The following NXPH1 variants were observed in gnomAD, a reference collection of about 807,000 sequenced individuals.
NXPH1 encodes neurexophilin-1.
NXPH1 carries 5 observed loss-of-function variants against 23.7 expected under a neutral mutation model. The observed-to-expected ratio is 0.21, with a 90% CI of 0.11 to 0.44. NXPH1 has a LOEUF of 0.44. NXPH1 is among the 20% of genes least tolerant of loss of function. The pLI, the probability that NXPH1 is intolerant of heterozygous loss-of-function variation, is 0.99. For missense variants in NXPH1, 324 were observed against 321.6 expected, an observed-to-expected ratio of 1.01 and a Z score of -0.06; for synonymous variants, 144 against 122.2, an observed-to-expected ratio of 1.18 and a Z score of -1.18.
At position 8,750,869 on chromosome 7, in the gene NXPH1, G is replaced by A. The variant is rs1780551513; in HGVS notation, c.55-139G>A. 3 of 758,480 alleles carry A rather than the reference G, an allele frequency of 4.0e-6. No homozygotes were observed. The Admixed American group carries it at 8.2e-5, about 21-fold the overall frequency. 47.0% of individuals were successfully genotyped at this position (758,480 alleles called of 1,614,324 possible). A position where few individuals can be genotyped will look rare whatever the true frequency, so the allele number is the denominator to read the frequency against. On this transcript the variant is annotated intron_variant, in intron 2 of 2. Transcript: ENST00000405863. ...AGAGGGGGCTTAGATCTCTGCTTTG[G>A]GTGTTCTTCTCAGATGCGGTGCTTT...
chr7:8,745,112 C>T (rs756317882), intron 2 of NXPH1, among the ~76,000 whole-genome samples: 7 of 152,234 alleles, frequency 4.6e-5, no homozygotes, highest in Non-Finnish European at 7.3e-5. Context: ...AGCCTGCCTT[C>T]TACAAGTTTT....
chr7:8,647,807 A>T (rs2349504), intron 2 of NXPH1, among the ~76,000 whole-genome samples: 105,991 of 149,084 alleles, frequency 0.71, 38,319 homozygotes, highest in East Asian at 1. Context: ...AGTTTGGTTA[A>T]TTTTTTCAAG....
intron 2 of NXPH1, among the ~76,000 whole-genome samples, chr7:8,473,795 C>T (rs1816914618): frequency 6.6e-6 from 1 of 151,638 alleles, no homozygotes; most frequent in South Asian, 2.1e-4. Context: ...AATGATAGAC[C>T]TTCCATTTAG....
intron 2 of NXPH1, among the ~76,000 whole-genome samples, chr7:8,589,872 C>T (rs1252434160): frequency 6.6e-6 from 1 of 152,034 alleles, no homozygotes; most frequent in Non-Finnish European, 1.5e-5. Flanking sequence ...CAATAGATAG[C>T]CACTAGCCAC....
At chr7:8,678,914 C>A (rs1010308135) in intron 2 of NXPH1, among the ~76,000 whole-genome samples, 1 of 95,984 alleles carries the variant, frequency 1.0e-5, no homozygotes, top group African/African-American at 4.4e-5. Context: ...CTAGATTTAT[C>A]TTTGCTTTAT....
chr7:8,562,332 T>G (rs1029689724), intron 2 of NXPH1, among the ~76,000 whole-genome samples: 1 of 151,728 alleles, frequency 6.6e-6, no homozygotes, highest in African/African-American at 2.4e-5. Context: ...GGGGAGCTGA[T>G]GTCTATTCCA....
intron 2 of NXPH1, among the ~76,000 whole-genome samples, chr7:8,627,932 A>T (rs901090416): frequency 6.6e-6 from 1 of 152,142 alleles, no homozygotes; most frequent in East Asian, 1.9e-4. Flanking sequence ...TGTGGATAAA[A>T]GGCACTATAT....
chr7:8,562,182 A>T (rs887937301), intron 2 of NXPH1, among the ~76,000 whole-genome samples: 1 of 151,662 alleles, frequency 6.6e-6, no homozygotes, highest in Admixed American at 6.6e-5. Flanking sequence ...TTTGCTCAAG[A>T]TCAACCTTAC....
At chr7:8,540,936 C>G (rs183939451) in intron 2 of NXPH1, among the ~76,000 whole-genome samples, 1 of 151,898 alleles carries the variant, frequency 6.6e-6, no homozygotes, top group Admixed American at 6.6e-5. Flanking sequence ...CAAACTATTT[C>G]TAAGTAACAA....
intron 2 of NXPH1, among the ~76,000 whole-genome samples, chr7:8,494,701 T>C (rs1228902393): frequency 2.0e-5 from 3 of 152,096 alleles, no homozygotes; most frequent in African/African-American, 7.2e-5. Flanking sequence ...TTCTATCGAG[T>C]TGACAGAATT....
At chr7:8,512,115 A>T (rs938947287) in intron 2 of NXPH1, among the ~76,000 whole-genome samples, 3 of 152,128 alleles carry the variant, frequency 2.0e-5, no homozygotes, top group Admixed American at 6.6e-5. Flanking sequence ...AGGAGATGAC[A>T]GGAAGGAACC....
intron 2 of NXPH1, among the ~76,000 whole-genome samples, chr7:8,695,226 G>GGTTTTCT (rs1821288650): frequency 6.6e-6 from 1 of 152,138 alleles, no homozygotes; most frequent in African/African-American, 2.4e-5. Flanking sequence ...GCGGATGCTA[G>GGTTTTCT]GTCTTTGAAG....
At position 8,435,416 on chromosome 7, in the gene NXPH1, C is replaced by G; in HGVS notation, c.-110-188C>G. 2.0e-6 allele frequency: 1 copy of G among 490,888 alleles called. No individual in the cohort carries two copies. Among genetic ancestry groups the G allele is most frequent in the Non-Finnish European group, 3.7e-6 (1 of 273,062 alleles). 30.4% of individuals were successfully genotyped at this position (490,888 alleles called of 1,614,324 possible). Reference sequence around the variant, plus strand: ...CCCTCCCTCTCGTCCGCCCGCCCGCCTCCCCAGCTGCGGACCGCGCGCTTG... The same window carrying G: ...CCCTCCCTCTCGTCCGCCCGCCCGCGTCCCCAGCTGCGGACCGCGCGCTTG... On this transcript the variant is annotated intron_variant, in intron 1 of 2. Transcript: ENST00000405863. The surrounding 1 kb of genome is among the most constrained non-coding windows in gnomAD (Gnocchi z 5.9).
At chr7:8,592,043 G>C (rs989884261) in intron 2 of NXPH1, among the ~76,000 whole-genome samples, 5 of 151,808 alleles carry the variant, frequency 3.3e-5, no homozygotes, top group South Asian at 2.1e-4. Context: ...TTGGAGTTAA[G>C]GGATAATCTG....
At chr7:8,715,971 A>G (rs1003634468) in intron 2 of NXPH1, among the ~76,000 whole-genome samples, 3 of 152,162 alleles carry the variant, frequency 2.0e-5, no homozygotes, top group Non-Finnish European at 4.4e-5. Flanking sequence ...TTGTCAATGC[A>G]TATATATGAA....
chr7:8,602,973 G>A (rs546263976), intron 2 of NXPH1, among the ~76,000 whole-genome samples: 1 of 152,186 alleles, frequency 6.6e-6, no homozygotes, highest in Admixed American at 6.5e-5. Context: ...ACCATGCACA[G>A]CTAATTTTTG....
At position 8,649,501 on chromosome 7, in the gene NXPH1, G is replaced by A. The variant is rs1443992583; in HGVS notation, c.55-101507G>A. Among the ~76,000 whole-genome samples, 3 of 151,998 alleles carry A rather than the reference G, an allele frequency of 2.0e-5. No individual in the cohort carries two copies. In the East Asian group the frequency reaches 5.8e-4, roughly 29 times the overall value. Reference sequence around the variant, plus strand: ...ACACACATCCAAAACCAAGACCAGGGCAAAATATTTCCTTAGTATTTCTCT... The same window carrying A: ...ACACACATCCAAAACCAAGACCAGGACAAAATATTTCCTTAGTATTTCTCT... On this transcript the variant is annotated intron_variant, in intron 2 of 2. Coordinates refer to ENST00000405863, the MANE Select transcript of NXPH1 (RefSeq NM_152745.3).
At chr7:8,580,076 G>A (rs1273561551) in intron 2 of NXPH1, among the ~76,000 whole-genome samples, 1 of 152,246 alleles carries the variant, frequency 6.6e-6, no homozygotes, top group African/African-American at 2.4e-5. Flanking sequence ...GGCAGTGGCT[G>A]TTAGTTAAGG....
At chr7:8,627,830 A>G (rs998589505) in intron 2 of NXPH1, among the ~76,000 whole-genome samples, 1 of 152,158 alleles carries the variant, frequency 6.6e-6, no homozygotes, top group African/African-American at 2.4e-5. Flanking sequence ...GATTTCATCC[A>G]TAAAAGAAAG....
Sources: gnomAD v4.1 joint callset for allele counts (sites outside exome capture counted in the v4.1 genomes callset) on GRCh38, gnomAD v4.1.1 for gene constraint, Gnocchi (gnomAD v3.1) non-coding constraint, MANE v1.5 for transcripts, NCBI Gene and HGNC (gene_info 2026-07-23, HGNC 2026-07-21) for gene names.